Variants in ADGRL2 observed in about 807,000 individuals in gnomAD.
ADGRL2 encodes the protein calcium-independent alpha-latrotoxin receptor 2.
ADGRL2 carries 44 observed loss-of-function variants against 157.4 expected under a neutral mutation model. The ratio of observed to expected loss-of-function variants is 0.28; its 90% CI spans 0.22 to 0.36. The LOEUF (loss-of-function observed/expected upper bound fraction) is 0.36. ADGRL2 is among the 10% of genes least tolerant of loss of function. The pLI, the probability that ADGRL2 is intolerant of heterozygous loss-of-function variation, is 1.00. For synonymous variants in ADGRL2, 585 were observed against 624.7 expected (o/e 0.94, Z 0.95); for missense variants, 1,510 against 1,768.9 (o/e 0.85, Z 2.63).
chr1:81,448,088 C>T (rs539602230), intron 2 of ADGRL2, among the ~76,000 whole-genome samples: 8 of 150,382 alleles, frequency 5.3e-5, no homozygotes, highest in Admixed American at 1.3e-4. Context: ...GTACAGCCTG[C>T]GGAACCATGA....
chr1:81,585,769 C>T (rs989442974), intron 3 of ADGRL2, among the ~76,000 whole-genome samples: 2 of 152,042 alleles, frequency 1.3e-5, no homozygotes, highest in East Asian at 1.9e-4. Context: ...ACTTCAAGCA[C>T]GGTCTTTTAA....
intron 1 of ADGRL2, among the ~76,000 whole-genome samples, chr1:81,705,642 C>T (rs1053315589): frequency 2.0e-5 from 3 of 151,964 alleles, no homozygotes; most frequent in Non-Finnish European, 2.9e-5. Context: ...AAGGGCTGGG[C>T]GCAGTGGCTC....
intron 2 of ADGRL2, among the ~76,000 whole-genome samples, chr1:81,466,510 C>T (rs2078056120): frequency 6.6e-6 from 1 of 152,068 alleles, no homozygotes; most frequent in African/African-American, 2.4e-5. Flanking sequence ...TCTATTGTGC[C>T]TATGCCAGAT....
intron 3 of ADGRL2, among the ~76,000 whole-genome samples, chr1:81,592,638 G>A (rs762541054): frequency 1.9e-4 from 29 of 152,240 alleles, no homozygotes; most frequent in East Asian, 3.9e-4. Context: ...GAGTGCTTTC[G>A]GAGAAGGGGA....
At chr1:81,809,191 C>G (rs2089543532) in intron 1 of ADGRL2, among the ~76,000 whole-genome samples, 1 of 151,930 alleles carries the variant, frequency 6.6e-6, no homozygotes, top group African/African-American at 2.4e-5. Context: ...ACACCTTAAT[C>G]TTTGAATTTC....
chr1:81,967,712 A>G (rs1657550912), intron 13 of ADGRL2, among the ~76,000 whole-genome samples: 1 of 152,242 alleles, frequency 6.6e-6, no homozygotes, highest in Non-Finnish European at 1.5e-5. Context: ...GAACAAATTT[A>G]TGGCTCTAAT....
chr1:81,746,296 A>T (rs935855338), intron 1 of ADGRL2, among the ~76,000 whole-genome samples: 1 of 152,136 alleles, frequency 6.6e-6, no homozygotes, highest in Non-Finnish European at 1.5e-5. Context: ...GTATATTTTT[A>T]AAAATTTTTT....
At chr1:81,378,201 A>G (rs6685721) in intron 1 of ADGRL2, among the ~76,000 whole-genome samples, 143,765 of 151,528 alleles carry the variant, frequency 0.95, 68,639 homozygotes, top group East Asian at 1. Context: ...AGAATGCCAC[A>G]ATGGTTCACA....
intron 1 of ADGRL2, among the ~76,000 whole-genome samples, chr1:81,363,073 G>A (rs1019738322): frequency 2.6e-5 from 4 of 151,970 alleles, no homozygotes; most frequent in Non-Finnish European, 5.9e-5. Context: ...TACTATCTAT[G>A]TTGATATACT....
At chr1:81,378,281 T>C (rs1219831133) in intron 1 of ADGRL2, among the ~76,000 whole-genome samples, 2 of 152,022 alleles carry the variant, frequency 1.3e-5, no homozygotes, top group African/African-American at 4.8e-5. Context: ...CCAGGCGTGG[T>C]AGCTCGTGCC....
At chr1:81,905,947 AGTGTGTGTGT>A (rs3046460) in intron 2 of ADGRL2, among the ~76,000 whole-genome samples, 48 of 144,578 alleles carry the variant, frequency 3.3e-4, no homozygotes, top group South Asian at 2.0e-3. Context: ...AAAAAAGCAG[AGTGTGTGTGT>A]GTGTGTGTGT....
chr1:81,563,573 G>A (rs894437546), intron 2 of ADGRL2, among the ~76,000 whole-genome samples: 6 of 152,132 alleles, frequency 3.9e-5, no homozygotes, highest in Non-Finnish European at 8.8e-5. Context: ...ACTTTGGTGA[G>A]TTACAAGGTA....
chr1:81,780,587 C>A (rs78859892), intron 2 of ADGRL2, among the ~76,000 whole-genome samples: 396 of 152,204 alleles, frequency 2.6e-3, no homozygotes, highest in Non-Finnish European at 4.5e-3. Context: ...AAGTTTCATC[C>A]CAATATGTTA....
intron 10 of ADGRL2, among the ~76,000 whole-genome samples, chr1:81,953,842 G>A (rs1303917857): frequency 6.6e-6 from 1 of 152,106 alleles, no homozygotes; most frequent in African/African-American, 2.4e-5. Context: ...CTTGAAGAAC[G>A]AATCCATATA....
chr1:81,604,375 A>G (rs2148646533), intron 3 of ADGRL2, among the ~76,000 whole-genome samples: 1 of 152,018 alleles, frequency 6.6e-6, no homozygotes, highest in African/African-American at 2.4e-5. Flanking sequence ...CATTGTGTGG[A>G]CTCCTGCAGT....
intron 3 of ADGRL2, among the ~76,000 whole-genome samples, chr1:81,623,590 C>T (rs2081843236): frequency 6.7e-6 from 1 of 150,278 alleles, no homozygotes; most frequent in Admixed American, 6.6e-5. Flanking sequence ...AAAAGGAGAT[C>T]GTACTAGGTC....
intron 2 of ADGRL2, among the ~76,000 whole-genome samples, chr1:81,539,069 A>G (rs111888126): frequency 1.1e-4 from 17 of 152,170 alleles, no homozygotes; most frequent in African/African-American, 4.1e-4. Context: ...TTCTGGAAAA[A>G]TCAGTGCAAA....
chr1:81,450,600 GC>G (rs2077685520), intron 2 of ADGRL2, among the ~76,000 whole-genome samples: 1 of 151,972 alleles, frequency 6.6e-6, no homozygotes, highest in African/African-American at 2.4e-5. Context: ...GTCTAGTGAT[GC>G]TTTTGTTATA....
intron 3 of ADGRL2, among the ~76,000 whole-genome samples, chr1:81,630,743 C>A (rs1271163326): frequency 3.9e-5 from 6 of 152,050 alleles, no homozygotes; most frequent in African/African-American, 1.4e-4. Flanking sequence ...GTAAAATAGG[C>A]TACAAGTTTA....
Sources: gnomAD v4.1 joint callset for allele counts (sites outside exome capture counted in the v4.1 genomes callset) on GRCh38, gnomAD v4.1.1 for gene constraint, MANE v1.5 for transcripts, NCBI Gene and HGNC (gene_info 2026-07-23, HGNC 2026-07-21) for gene names.